TIE1: variants seen among roughly 807,000 people sequenced by gnomAD.
The protein encoded by TIE1 is tyrosine-protein kinase receptor Tie-1.
In TIE1, 89 loss-of-function variants were observed where a neutral mutation model predicts 130.5. The observed-to-expected ratio is 0.68, with a 90% CI of 0.57 to 0.81. TIE1 has a LOEUF of 0.81. Among genes scored for constraint, TIE1 ranks in the 40% least tolerant of loss-of-function variants. The pLI is 0.00. For synonymous variants in TIE1, 568 were observed against 629.4 expected (o/e 0.90, Z 1.46); for missense variants, 1,392 against 1,559.8 (o/e 0.89, Z 1.81).
rs1205279047 is a variant in TIE1, at chr1:43,312,113, A to G, written c.1612A>G (p.Met538Val). The part of the protein sequence containing the change: ...GEGAWGPPTL[M>V]TTDCPEPLLQ... ...GGGGGCCTGGGGGCCTCCCACCCTC[A>G]TGACCACAGACTGTCCTGGTGAGAG... Residue 538 changes from methionine (M) to valine (V), a missense_variant, in exon 11 of 23, where the codon ATG becomes GTG. Physicochemically the swap from Met to Val is conservative, Grantham distance 21. Transcript: ENST00000372476. This position sits in a 1 kb window ranked among gnomAD's most constrained non-coding sequence, Gnocchi z 5.6. The G allele has an allele frequency of 1.9e-6, 3 of 1,572,056 alleles. No individual in the cohort carries two copies. The highest frequency in any genetic ancestry group is 1.4e-5 in the African/African-American group (1 of 73,790).
rs79719594 is a variant in TIE1 at position 43,307,989 on chromosome 1, C to G, written c.1042+65C>G. ...TCGGCCTTTACCAAACACATCTCCC[C>G]GGTGGAAGAGAGTAGTCCCTCCTTT... is the stretch of plus-strand genomic sequence containing the variant. On this transcript the variant is annotated intron_variant, in intron 7 of 22. Coordinates refer to ENST00000372476, the MANE Select transcript of TIE1 (RefSeq NM_005424.5). The surrounding 1 kb of genome is among the most constrained non-coding windows in gnomAD (Gnocchi z 5.4). 6.3e-7 allele frequency: 1 copy of G among 1,594,264 alleles called. No individual in the cohort carries two copies. Among genetic ancestry groups the G allele is most frequent in the African/African-American group, 1.3e-5 (1 of 74,662 alleles).
In TIE1 at chr1:43,309,204, A is replaced by G. The variant is rs1646763754; in HGVS notation, c.1188+73A>G. ...TCACAGCTGATCCCTAAGACCCCCTAGTCCCTCAGAACTTTCTGCAGGGCC... is the reference window on the plus strand; with the variant it reads ...TCACAGCTGATCCCTAAGACCCCCTGGTCCCTCAGAACTTTCTGCAGGGCC... On this transcript the variant is annotated intron_variant, in intron 8 of 22. Coordinates refer to ENST00000372476, the MANE Select transcript of TIE1 (RefSeq NM_005424.5). The surrounding 1 kb of genome is among the most constrained non-coding windows in gnomAD (Gnocchi z 6.3). 9 of 1,530,082 alleles carry G rather than the reference A, an allele frequency of 5.9e-6. No homozygotes were observed. The highest frequency in any genetic ancestry group is 7.0e-6 in the Non-Finnish European group (8 of 1,137,732). 94.8% of individuals were successfully genotyped at this position (1,530,082 alleles called of 1,614,324 possible). A position where few individuals can be genotyped will look rare whatever the true frequency, so the allele number is the denominator to read the frequency against.
chr1:43,312,985 A>C lies in TIE1; in HGVS notation c.1928-150A>C. ...AAGTGGCCTGGGGGAATGGAGAGGA[A>C]TTCAGTCTGGTGGGGAGGAGGAAGT... is the stretch of plus-strand genomic sequence containing the variant. On this transcript the variant is annotated intron_variant, in intron 12 of 22. Coordinates refer to ENST00000372476, the MANE Select transcript of TIE1 (RefSeq NM_005424.5). The surrounding 1 kb of genome is among the most constrained non-coding windows in gnomAD (Gnocchi z 5.6). The C allele has an allele frequency of 2.2e-6, 2 of 891,154 alleles. No individual in the cohort carries two copies. Among genetic ancestry groups the C allele is most frequent in the Non-Finnish European group, 3.4e-6 (2 of 589,150 alleles). 55.2% of individuals were successfully genotyped at this position (891,154 alleles called of 1,614,324 possible). A position where few individuals can be genotyped will look rare whatever the true frequency, so the allele number is the denominator to read the frequency against.
At position 43,315,284 on chromosome 1, in the gene TIE1, AAAAG is replaced by A. The variant is rs1224942582; in HGVS notation, c.2409+1324_2409+1327del. Reference sequence around the variant, plus strand: ...TTTGGCATTTCAAATAAAAAATAAAAAAAGAAAGAAAACCCTCTTCTCTCTCAAG... The same window carrying A: ...TTTGGCATTTCAAATAAAAAATAAAAAAAGAAAACCCTCTTCTCTCTCAAG... On this transcript the variant is annotated intron_variant, in intron 14 of 22. Coordinates refer to ENST00000372476, the MANE Select transcript of TIE1 (RefSeq NM_005424.5). This position sits in a 1 kb window ranked among gnomAD's most constrained non-coding sequence, Gnocchi z 4.4. 2 of 152,282 alleles carry A rather than the reference AAAAG, an allele frequency of 1.3e-5. No homozygotes were observed. The highest frequency in any genetic ancestry group is 3.8e-4 in the East Asian group (2 of 5,202). 9.4% of individuals were successfully genotyped at this position (152,282 alleles called of 1,614,324 possible).
In TIE1 at chr1:43,318,204, C is replaced by A; in HGVS notation, c.2922+132C>A. 2 of 1,186,494 alleles carry A rather than the reference C, an allele frequency of 1.7e-6. No homozygotes were observed. The highest frequency in any genetic ancestry group is 2.3e-6 in the Non-Finnish European group (2 of 874,722). The allele number at this position is 1,186,494 out of a possible 1,614,324, so 73.5% of individuals were successfully genotyped here. On this transcript the variant is annotated intron_variant, in intron 17 of 22. Coordinates refer to ENST00000372476, the MANE Select transcript of TIE1 (RefSeq NM_005424.5). This position sits in a 1 kb window ranked among gnomAD's most constrained non-coding sequence, Gnocchi z 4.4. The stretch of plus-strand genomic sequence containing the variant: ...GCCCAAGTGTGTGGGTGGGTGCAAG[C>A]ACAGCGAGGAGGCAGGGCCAAGGGG...
In TIE1 at chr1:43,312,636, G is replaced by A. The variant is rs1427035306; in HGVS notation, c.1927+35G>A. ...AGGCGCAAGGATAGCTGGGGGTTGG[G>A]GGAGGACGTGGGACACAGGGACACA... On this transcript the variant is annotated intron_variant, in intron 12 of 22. Coordinates refer to ENST00000372476, the MANE Select transcript of TIE1 (RefSeq NM_005424.5). The surrounding 1 kb of genome is among the most constrained non-coding windows in gnomAD (Gnocchi z 5.6). 1 of 1,557,668 alleles carries A rather than the reference G, an allele frequency of 6.4e-7. No individual in the cohort carries two copies. Among genetic ancestry groups the A allele is most frequent in the Non-Finnish European group, 8.7e-7 (1 of 1,150,660 alleles).
At chr1:43,320,996 G>C in intron 19 of TIE1, 1 of 506,058 alleles carries the variant, frequency 2.0e-6, no homozygotes, top group East Asian at 3.5e-5. Context: ...GTAAGCCACT[G>C]CACTCCAGCC....
chr1:43,314,562 T>G, intron 14 of TIE1: 3 of 991,104 alleles, frequency 3.0e-6, no homozygotes, highest in Non-Finnish European at 3.6e-6. Flanking sequence ...GCACAGTGAC[T>G]TGCACCTGTA....
rs1395174561 is a variant in TIE1 at position 43,316,932 on chromosome 1, A to G, written c.2410-267A>G. The stretch of plus-strand genomic sequence containing the variant: ...GGTTCTGCCTTCCAGAGTCCCGTAC[A>G]CTAGATCCCCTGGCTGCAGCCTCTG... On this transcript the variant is annotated intron_variant, in intron 14 of 22. Transcript: ENST00000372476. The surrounding 1 kb of genome is among the most constrained non-coding windows in gnomAD (Gnocchi z 4.4). Among the ~76,000 whole-genome samples, 2 of 152,122 alleles carry G rather than the reference A, an allele frequency of 1.3e-5. No individual in the cohort carries two copies. Among genetic ancestry groups the G allele is most frequent in the South Asian group, 2.1e-4 (1 of 4,832 alleles).
rs917586819 is a variant in TIE1 at position 43,323,013 on chromosome 1, G to A, written c.*291G>A. On this transcript the variant is annotated 3_prime_UTR_variant, in exon 23 of 23. Coordinates refer to ENST00000372476, the MANE Select transcript of TIE1 (RefSeq NM_005424.5). ...CACAAACCCCCACTCCAGCTCCTTCGCTTAAGCCAGCACTCACACCACTAA... is the reference window on the plus strand; with the variant it reads ...CACAAACCCCCACTCCAGCTCCTTCACTTAAGCCAGCACTCACACCACTAA... 4.0e-5 allele frequency: 17 copies of A among 424,270 alleles called. No individual in the cohort carries two copies. Among genetic ancestry groups the A allele is most frequent in the South Asian group, 3.2e-4 (10 of 31,034 alleles). The allele number at this position is 424,270 out of a possible 1,614,324, so 26.3% of individuals were successfully genotyped here.
At chr1:43,310,594 G>T (rs1646779814) in intron 9 of TIE1, among the ~76,000 whole-genome samples, 1 of 152,100 alleles carries the variant, frequency 6.6e-6, no homozygotes, top group South Asian at 2.1e-4. Context: ...CTGCAGCCAG[G>T]ACCCCTCTTC....
Position 43,322,816 on chromosome 1 carries a change from C to A in TIE1, c.*94C>A. The A allele has an allele frequency of 8.0e-7, 1 of 1,242,832 alleles. No homozygotes were observed. Among genetic ancestry groups the A allele is most frequent in the Non-Finnish European group, 1.1e-6 (1 of 876,784 alleles). 77.0% of individuals were successfully genotyped at this position (1,242,832 alleles called of 1,614,324 possible). On this transcript the variant is annotated 3_prime_UTR_variant, in exon 23 of 23. Coordinates refer to ENST00000372476, the MANE Select transcript of TIE1 (RefSeq NM_005424.5). This position sits in a 1 kb window ranked among gnomAD's most constrained non-coding sequence, Gnocchi z 4.0. ...TGACCCTTACAGCCTCTGACTTAAG[C>A]TGCCTCAAGGAATTTTTTTAACTTA...
intron 1 of TIE1, 115 bp downstream of exon 1, chr1:43,301,244 G>T (rs1646666761): frequency 2.6e-6 from 3 of 1,169,294 alleles, no homozygotes; most frequent in Admixed American, 2.7e-5. Flanking sequence ...GCCATGGGCT[G>T]CAGGGAGGAA....
Position 43,319,259 on chromosome 1 carries a change from C to G in TIE1, c.2947C>G (p.Arg983Gly). Reference sequence around the variant, plus strand: ...GTTCATCCACAGGGACCTGGCTGCCCGGAATGTGCTGGTCGGAGAGAACCT... The same window carrying G: ...GTTCATCCACAGGGACCTGGCTGCCGGGAATGTGCTGGTCGGAGAGAACCT... ...KQFIHRDLAARNVLVGENLAS... is the reference protein window; with the variant it reads ...KQFIHRDLAAGNVLVGENLAS... The change falls in exon 18 of 23, where the codon CGG becomes GGG. Residue 983 changes from arginine (R) to glycine (G), a missense_variant. By Grantham distance (125) the Arg-to-Gly change is moderately radical (BLOSUM62 -2). This residue lies in a region of TIE1 where 286 missense variants were observed against 354.4 expected (regional missense o/e 0.81). Coordinates refer to ENST00000372476, the MANE Select transcript of TIE1 (RefSeq NM_005424.5). This position sits in a 1 kb window ranked among gnomAD's most constrained non-coding sequence, Gnocchi z 4.7. The G allele has an allele frequency of 6.2e-7, 1 of 1,613,982 alleles. No homozygotes were observed. The highest frequency in any genetic ancestry group is 2.2e-5 in the East Asian group (1 of 44,866).
Position 43,317,242 on chromosome 1 carries a change from T to A in TIE1, c.2453T>A (p.Leu818His). 6.2e-7 allele frequency: 1 copy of A among 1,614,138 alleles called. No homozygotes were observed. The highest frequency in any genetic ancestry group is 8.5e-7 in the Non-Finnish European group (1 of 1,180,036). Reference protein sequence around the residue: ...ILQFSSGTLTLTRRPKLQPEP... With the variant: ...ILQFSSGTLTHTRRPKLQPEP... ...CAGTTCAGCTCAGGGACCTTGACAC[T>A]TACCCGGCGGCCAAAACTGCAGCCC... The change falls in exon 15 of 23, where the codon CTT (leucine) becomes CAT (histidine). Residue 818 changes from leucine to histidine, a missense_variant. Physicochemically the swap from Leu to His is moderately conservative, Grantham distance 99. This residue lies in a region of TIE1 where 286 missense variants were observed against 354.4 expected (regional missense o/e 0.81). Coordinates refer to ENST00000372476, the MANE Select transcript of TIE1 (RefSeq NM_005424.5). The surrounding 1 kb of genome is among the most constrained non-coding windows in gnomAD (Gnocchi z 5.1).
intron 7 of TIE1, 135 bp from the exon 8 acceptor site, chr1:43,308,851 G>C (rs756535961): frequency 5.1e-6 from 6 of 1,176,166 alleles, no homozygotes; most frequent in South Asian, 1.3e-5. Flanking sequence ...GGAGTCATGC[G>C]GGCCTTTGCT....
At position 43,319,224 on chromosome 1, in the gene TIE1, C is replaced by A. The variant is rs747005214; in HGVS notation, c.2923-11C>A. On this transcript the variant is annotated splice_polypyrimidine_tract_variant and intron_variant, in intron 17 of 22. Coordinates refer to ENST00000372476, the MANE Select transcript of TIE1 (RefSeq NM_005424.5). This position sits in a 1 kb window ranked among gnomAD's most constrained non-coding sequence, Gnocchi z 4.7. The stretch of plus-strand genomic sequence containing the variant: ...TCCCCAGTCTCTCCTGACTTCTGAC[C>A]CTGCCTACAGTTCATCCACAGGGAC... 1 of 1,609,236 alleles carries A rather than the reference C, an allele frequency of 6.2e-7. No homozygotes were observed. The highest frequency in any genetic ancestry group is 8.5e-7 in the Non-Finnish European group (1 of 1,175,562).
rs1254584814 is a variant in TIE1, at chr1:43,312,879, T to C, written c.1928-256T>C. Among the ~76,000 whole-genome samples the C allele has an allele frequency of 1.3e-5, 2 of 151,998 alleles. No homozygotes were observed. The highest frequency in any genetic ancestry group is 1.9e-4 in the East Asian group (1 of 5,184). On this transcript the variant is annotated intron_variant, in intron 12 of 22. Transcript: ENST00000372476. This position sits in a 1 kb window ranked among gnomAD's most constrained non-coding sequence, Gnocchi z 5.6. ...CCAGGGTCATGGGAGGGCATGAGAC[T>C]TGCGGAACACAGGGCATGGGCGGAT...
chr1:43,308,951 G>A (rs899338807), intron 7 of TIE1, 35 bp from the exon 8 acceptor site: 5 of 1,613,816 alleles, frequency 3.1e-6, no homozygotes, highest in Admixed American at 3.3e-5. Context: ...GTCTGCCCCT[G>A]TGGGAGCTCC....
Sources: gnomAD v4.1 joint callset for allele counts (sites outside exome capture counted in the v4.1 genomes callset) on GRCh38, gnomAD v4.1.1 for gene constraint, gnomAD v4.1.1 regional missense constraint, Gnocchi (gnomAD v3.1) non-coding constraint, MANE v1.5 for transcripts, NCBI Gene and HGNC (gene_info 2026-07-23, HGNC 2026-07-21) for gene names.